The following JAKMIP1 variants were observed in gnomAD, a reference collection of about 807,000 sequenced individuals.
JAKMIP1 encodes the protein janus kinase and microtubule-interacting protein 1.
A neutral mutation model predicts 113.0 loss-of-function variants in JAKMIP1; 33 were observed. The ratio of observed to expected loss-of-function variants is 0.29; its 90% CI spans 0.22 to 0.39. JAKMIP1 has a LOEUF of 0.39. Among genes scored for constraint, JAKMIP1 ranks in the 10% least tolerant of loss-of-function variants. JAKMIP1 has a pLI of 1.00. For missense variants in JAKMIP1, 813 were observed against 1,080.5 expected, an observed-to-expected ratio of 0.75 and a Z score of 3.47; for synonymous variants, 480 against 459.9, an observed-to-expected ratio of 1.04 and a Z score of -0.56.
At chr4:6,159,701 C>T (rs1019198198) in intron 1 of JAKMIP1, among the ~76,000 whole-genome samples, 2 of 152,192 alleles carry the variant, frequency 1.3e-5, no homozygotes, top group Admixed American at 1.3e-4. Flanking sequence ...TGGGAAAGTG[C>T]TATTCTCATT....
Position 6,140,823 on chromosome 4 carries a change from C to T in JAKMIP1, c.-147-27826G>A, listed in dbSNP as rs1303817137. ...TAGGCAATTGTAATAAAGAAAATTA[C>T]TGACCTCAGGTCAGCCACAGGCACT... On this transcript the variant is annotated intron_variant, in intron 1 of 20. Transcript: ENST00000409021. The surrounding 1 kb of genome is among the most constrained non-coding windows in gnomAD (Gnocchi z 9.4). 6.6e-6 allele frequency among the ~76,000 whole-genome samples: 1 copy of T among 152,206 alleles called. No individual in the cohort carries two copies. Among genetic ancestry groups the T allele is most frequent in the Non-Finnish European group, 1.5e-5 (1 of 68,038 alleles).
intron 19 of JAKMIP1, among the ~76,000 whole-genome samples, chr4:6,030,692 C>T (rs1260944520): frequency 1.3e-5 from 2 of 152,172 alleles, no homozygotes; most frequent in African/African-American, 2.4e-5. Flanking sequence ...TGCTGGGAGG[C>T]GGAAGGGTGG....
chr4:6,097,246 C>G lies in JAKMIP1; in HGVS notation c.624+8227G>C, dbSNP rs1711956652. ...TCTCAGCCTCAAGCAATCCTCCCAC[C>G]TCAGCCTCCTGATGTATTGGGATTA... On this transcript the variant is annotated intron_variant, in intron 3 of 20. Coordinates refer to ENST00000409021, the MANE Select transcript of JAKMIP1 (RefSeq NM_001099433.2). The surrounding 1 kb of genome is among the most constrained non-coding windows in gnomAD (Gnocchi z 4.3). 6.6e-6 allele frequency among the ~76,000 whole-genome samples: 1 copy of G among 152,232 alleles called. No individual in the cohort carries two copies. Among genetic ancestry groups the G allele is most frequent in the African/African-American group, 2.4e-5 (1 of 41,450 alleles).
chr4:6,121,220 G>T (rs1374510488), intron 1 of JAKMIP1, among the ~76,000 whole-genome samples: 1 of 115,186 alleles, frequency 8.7e-6, no homozygotes, highest in African/African-American at 3.0e-5. Flanking sequence ...AAAAAAAATG[G>T]CAGCAGCTTC....
At chr4:6,112,596 G>C in intron 2 of JAKMIP1, 126 bp downstream of exon 2, 1 of 1,132,676 alleles carries the variant, frequency 8.8e-7, no homozygotes, top group Non-Finnish European at 1.3e-6. Context: ...CAGCAGGGCA[G>C]AGAGGTGAAG....
rs1560195829 is a variant in JAKMIP1 at position 6,106,432 on chromosome 4, G to A, written c.130-465C>T. 6.6e-6 allele frequency among the ~76,000 whole-genome samples: 1 copy of A among 152,064 alleles called. No homozygotes were observed. Among genetic ancestry groups the A allele is most frequent in the Admixed American group, 6.6e-5 (1 of 15,258 alleles). On this transcript the variant is annotated intron_variant, in intron 2 of 20. Coordinates refer to ENST00000409021, the MANE Select transcript of JAKMIP1 (RefSeq NM_001099433.2). The surrounding 1 kb of genome is among the most constrained non-coding windows in gnomAD (Gnocchi z 5.9). ...GCAGGGGGCACCATTCTTGTTGAGT[G>A]GGGTCCCTAGCTGGGCTGGGGGCTC...
At chr4:6,196,481 T>C (rs1727858895) in intron 1 of JAKMIP1, among the ~76,000 whole-genome samples, 1 of 152,214 alleles carries the variant, frequency 6.6e-6, no homozygotes, top group Non-Finnish European at 1.5e-5. Context: ...TGGCCAGCCC[T>C]GGGGTCACTG....
rs997804383 is a variant in JAKMIP1 at position 6,044,115 on chromosome 4, C to T, written c.2029-1888G>A. ...CCAGGAAGCCTACCCTGCTTGAGTC[C>T]GTGGGGTCAGCTAACCTCCATGGTG... On this transcript the variant is annotated intron_variant, in intron 16 of 20. Coordinates refer to ENST00000409021, the MANE Select transcript of JAKMIP1 (RefSeq NM_001099433.2). The surrounding 1 kb of genome is among the most constrained non-coding windows in gnomAD (Gnocchi z 4.4). Among the ~76,000 whole-genome samples the T allele has an allele frequency of 2.0e-5, 3 of 151,940 alleles. No individual in the cohort carries two copies. The highest frequency in any genetic ancestry group is 6.6e-5 in the Admixed American group (1 of 15,244).
chr4:6,081,014 C>CACACACACA lies in JAKMIP1; in HGVS notation c.1101+594_1101+595insTGTGTGTGT, dbSNP rs1553821445. Among the ~76,000 whole-genome samples, 4 of 151,226 alleles carry CACACACACA rather than the reference C, an allele frequency of 2.6e-5. No homozygotes were observed. Among genetic ancestry groups the CACACACACA allele is most frequent in the Non-Finnish European group, 4.4e-5 (3 of 67,766 alleles). ...ACACACACACACACACACACACACA[C>CACACACACA]CTGCATCTGCTACAGTGCAGACAGC... is the stretch of plus-strand genomic sequence containing the variant. On this transcript the variant is annotated intron_variant, in intron 6 of 20. Transcript: ENST00000409021. The surrounding 1 kb of genome is among the most constrained non-coding windows in gnomAD (Gnocchi z 4.6).
chr4:6,175,777 C>T (rs1178086902), intron 1 of JAKMIP1, among the ~76,000 whole-genome samples: 2 of 152,252 alleles, frequency 1.3e-5, no homozygotes, highest in African/African-American at 4.8e-5. Flanking sequence ...AAAACTCAGA[C>T]ATTGTTTTCC....
intron 8 of JAKMIP1, among the ~76,000 whole-genome samples, chr4:6,073,934 C>A (rs1719328407): frequency 6.6e-6 from 1 of 152,220 alleles, no homozygotes; most frequent in African/African-American, 2.4e-5. Flanking sequence ...CAATAGCCTG[C>A]AACACAATTT....
chr4:6,182,412 A>G (rs1726139243), intron 1 of JAKMIP1, among the ~76,000 whole-genome samples: 2 of 82,216 alleles, frequency 2.4e-5, no homozygotes, highest in South Asian at 6.5e-4. Flanking sequence ...CTGTCTCAGA[A>G]AAAAAAAAAA....
chr4:6,163,112 T>C (rs55851362), intron 1 of JAKMIP1, among the ~76,000 whole-genome samples: 94,723 of 152,158 alleles, frequency 0.62, 30,112 homozygotes, highest in East Asian at 0.78. Flanking sequence ...GAGGCTCCCA[T>C]GATGGAGGCT....
Position 6,065,109 on chromosome 4 carries a change from C to A in JAKMIP1, c.1303-101G>T. 7.0e-7 allele frequency: 1 copy of A among 1,432,756 alleles called. No individual in the cohort carries two copies. Among genetic ancestry groups the A allele is most frequent in the Non-Finnish European group, 9.7e-7 (1 of 1,030,866 alleles). 88.8% of individuals were successfully genotyped at this position (1,432,756 alleles called of 1,614,324 possible). On this transcript the variant is annotated intron_variant, in intron 8 of 20. Coordinates refer to ENST00000409021, the MANE Select transcript of JAKMIP1 (RefSeq NM_001099433.2). This position sits in a 1 kb window ranked among gnomAD's most constrained non-coding sequence, Gnocchi z 5.1. ...GCCAGTGCAGGGGGGTGATGATTGA[C>A]ATTTGGGCCACTGGGGCATCACAAG...
Position 6,042,232 on chromosome 4 carries a change from A to G in JAKMIP1, c.2029-5T>C. ...CCCCTCTATTTGCTTCAGCCACTAG[A>G]AAACAGCAGGGACAGGACGGGTGCA... On this transcript the variant is annotated splice_region_variant and splice_polypyrimidine_tract_variant and intron_variant, in intron 16 of 20. Transcript: ENST00000409021. The surrounding 1 kb of genome is among the most constrained non-coding windows in gnomAD (Gnocchi z 5.2). The G allele has an allele frequency of 1.9e-6, 3 of 1,613,276 alleles. No individual in the cohort carries two copies. The highest frequency in any genetic ancestry group is 2.5e-6 in the Non-Finnish European group (3 of 1,179,362).
Position 6,175,023 on chromosome 4 carries a change from C to T in JAKMIP1, c.-148+25230G>A, listed in dbSNP as rs186966295. Among the ~76,000 whole-genome samples the T allele has an allele frequency of 9.2e-5, 14 of 152,280 alleles. No individual in the cohort carries two copies. The East Asian group carries it at 2.1e-3, about 23-fold the overall frequency. On this transcript the variant is annotated intron_variant, in intron 1 of 20. Coordinates refer to ENST00000409021, the MANE Select transcript of JAKMIP1 (RefSeq NM_001099433.2). The stretch of plus-strand genomic sequence containing the variant: ...GTATCCACAGGCTATCCTCGGTTTC[C>T]CCACTGCCCTGCAGGTAAAAACCAA...
chr4:6,190,016 CT>C (rs1452558828), intron 1 of JAKMIP1, among the ~76,000 whole-genome samples: 2 of 152,202 alleles, frequency 1.3e-5, no homozygotes, highest in Non-Finnish European at 2.9e-5. Flanking sequence ...TCCCCTGCCC[CT>C]GGGCCTGTCT....
At chr4:6,047,605 C>T (rs968949897) in intron 16 of JAKMIP1, among the ~76,000 whole-genome samples, 3 of 152,178 alleles carry the variant, frequency 2.0e-5, no homozygotes, top group Non-Finnish European at 4.4e-5. Context: ...ACCAGTGTGA[C>T]CTTGGGCAAG....
Position 6,059,556 on chromosome 4 carries a change from C to T in JAKMIP1, c.1644+868G>A, listed in dbSNP as rs1435675572. 6.6e-6 allele frequency among the ~76,000 whole-genome samples: 1 copy of T among 152,040 alleles called. No homozygotes were observed. Among genetic ancestry groups the T allele is most frequent in the East Asian group, 1.9e-4 (1 of 5,158 alleles). ...CACCAGACACTCCGTCTGCCCACAC[C>T]CTCCTTGGCACCCTCACTGTTAGTG... On this transcript the variant is annotated intron_variant, in intron 11 of 20. Coordinates refer to ENST00000409021, the MANE Select transcript of JAKMIP1 (RefSeq NM_001099433.2). The surrounding 1 kb of genome is among the most constrained non-coding windows in gnomAD (Gnocchi z 4.8).
Sources: gnomAD v4.1 joint callset for allele counts (sites outside exome capture counted in the v4.1 genomes callset) on GRCh38, gnomAD v4.1.1 for gene constraint, Gnocchi (gnomAD v3.1) non-coding constraint, MANE v1.5 for transcripts, NCBI Gene and HGNC (gene_info 2026-07-23, HGNC 2026-07-21) for gene names.